ATRNL1: variants seen among roughly 807,000 people sequenced by gnomAD.
ATRNL1 encodes attractin like 1.
Under a neutral mutation model 182.7 loss-of-function variants are expected in ATRNL1, and 95 were observed. The ratio of observed to expected loss-of-function variants is 0.52; its 90% confidence interval spans 0.44 to 0.62. The LOEUF is 0.62. Ranked by LOEUF, ATRNL1 falls within the 20% of genes least tolerant of loss-of-function variation. The pLI is 0.00. For synonymous variants in ATRNL1, 576 were observed against 568.3 expected, an observed-to-expected ratio of 1.01 and a Z score of -0.19; for missense variants, 1,471 against 1,679.5, an observed-to-expected ratio of 0.88 and a Z score of 2.17.
chr10:115,588,630 G>A (rs2804194), intron 26 of ATRNL1, among the ~76,000 whole-genome samples: 44,168 of 152,034 alleles, frequency 0.29, 7,623 homozygotes, highest in East Asian at 0.68. Context: ...GGAGTTTGGG[G>A]TTCCTTCCCA....
intron 26 of ATRNL1, among the ~76,000 whole-genome samples, chr10:115,632,245 A>G (rs770049811): frequency 6.6e-6 from 1 of 152,220 alleles, no homozygotes; most frequent in Non-Finnish European, 1.5e-5. Flanking sequence ...GATGTGAAGT[A>G]ATAAATAATG....
At chr10:115,650,666 T>C (rs1220945750) in intron 26 of ATRNL1, among the ~76,000 whole-genome samples, 1 of 152,096 alleles carries the variant, frequency 6.6e-6, no homozygotes, top group Admixed American at 6.6e-5. Flanking sequence ...TGTCTTCTTT[T>C]TTTAAATTTC....
At chr10:115,922,055 A>G (rs1953081804) in intron 28 of ATRNL1, among the ~76,000 whole-genome samples, 1 of 152,168 alleles carries the variant, frequency 6.6e-6, no homozygotes, top group Non-Finnish European at 1.5e-5. Flanking sequence ...CTCGTCACCC[A>G]GGGCTGTAGG....
chr10:115,775,764 G>C (rs1012298755), intron 27 of ATRNL1, among the ~76,000 whole-genome samples: 11 of 148,348 alleles, frequency 7.4e-5, no homozygotes, highest in Admixed American at 2.7e-4. Context: ...AGACCAGCCT[G>C]GCCAACATGG....
chr10:115,716,762 G>A (rs1329986398), intron 26 of ATRNL1, among the ~76,000 whole-genome samples: 4 of 152,020 alleles, frequency 2.6e-5, no homozygotes, highest in African/African-American at 9.7e-5. Flanking sequence ...ATTTCCACTC[G>A]TCAAGGTTGA....
At chr10:115,337,210 T>G (rs926754118) in intron 19 of ATRNL1, among the ~76,000 whole-genome samples, 4 of 152,064 alleles carry the variant, frequency 2.6e-5, no homozygotes, top group African/African-American at 4.8e-5. Flanking sequence ...ATTTTGTGGG[T>G]ACATAGTAGG....
intron 25 of ATRNL1, among the ~76,000 whole-genome samples, chr10:115,529,686 C>T (rs1317095113): frequency 6.6e-6 from 1 of 152,006 alleles, no homozygotes; most frequent in Non-Finnish European, 1.5e-5. Context: ...TAAAAAACTT[C>T]AAAACTTTTA....
At chr10:115,637,391 T>A (rs1414492403) in intron 26 of ATRNL1, among the ~76,000 whole-genome samples, 1 of 152,052 alleles carries the variant, frequency 6.6e-6, no homozygotes, top group Non-Finnish European at 1.5e-5. Flanking sequence ...CTGTCTTAGT[T>A]TTTTTAAAAA....
At chr10:115,505,779 A>C (rs192445261) in intron 24 of ATRNL1, among the ~76,000 whole-genome samples, 56 of 152,206 alleles carry the variant, frequency 3.7e-4, no homozygotes, top group African/African-American at 1.3e-3. Flanking sequence ...ACATACACAC[A>C]CACACGTCTT....
rs549489139 is a variant in ATRNL1 at position 115,653,014 on chromosome 10, G to T, written c.3796-74234G>T. Among the ~76,000 whole-genome samples, 3 of 152,042 alleles carry T rather than the reference G, an allele frequency of 2.0e-5. No homozygotes were observed. In the East Asian group the frequency reaches 5.8e-4, roughly 29 times the overall value. On this transcript the variant is annotated intron_variant, in intron 26 of 28. Coordinates refer to ENST00000355044, the MANE Select transcript of ATRNL1 (RefSeq NM_207303.4). ...TATTTTTAAATAATAGTTTTTATTT[G>T]TCATTGCGTAAAATAATTACAACTC...
chr10:115,395,858 T>C (rs968126128), intron 20 of ATRNL1, among the ~76,000 whole-genome samples: 1 of 151,796 alleles, frequency 6.6e-6, no homozygotes, highest in Non-Finnish European at 1.5e-5. Flanking sequence ...AATCAAATTT[T>C]TATGGTTTTG....
At chr10:115,367,887 C>G (rs1230033257) in intron 19 of ATRNL1, among the ~76,000 whole-genome samples, 1 of 148,720 alleles carries the variant, frequency 6.7e-6, no homozygotes, top group South Asian at 2.2e-4. Context: ...TCTCAGATCT[C>G]CAGCTGCGTG....
At chr10:115,846,293 A>G (rs181244201) in intron 27 of ATRNL1, among the ~76,000 whole-genome samples, 255 of 152,172 alleles carry the variant, frequency 1.7e-3, no homozygotes, top group African/African-American at 6.0e-3. Context: ...TGTTGCTATA[A>G]AGGAGAAATC....
chr10:115,549,227 A>T (rs1484071318), intron 25 of ATRNL1, among the ~76,000 whole-genome samples: 1 of 152,064 alleles, frequency 6.6e-6, no homozygotes, highest in East Asian at 1.9e-4. Context: ...GACAGAGAAA[A>T]TTCTAAATAT....
intron 26 of ATRNL1, among the ~76,000 whole-genome samples, chr10:115,702,080 G>T (rs1946755525): frequency 6.6e-6 from 1 of 151,946 alleles, no homozygotes; most frequent in South Asian, 2.1e-4. Flanking sequence ...CCATGATTGA[G>T]TAGCTACATT....
chr10:115,803,545 G>A (rs1949847426), intron 27 of ATRNL1, among the ~76,000 whole-genome samples: 1 of 151,554 alleles, frequency 6.6e-6, no homozygotes, highest in African/African-American at 2.4e-5. Context: ...TTAGAGATAT[G>A]GAGGAAACTT....
intron 28 of ATRNL1, among the ~76,000 whole-genome samples, chr10:115,862,175 T>C (rs1396964196): frequency 6.6e-6 from 1 of 152,206 alleles, no homozygotes; most frequent in Non-Finnish European, 1.5e-5. Context: ...GACTGAAATT[T>C]TTCAAGCACT....
intron 15 of ATRNL1, among the ~76,000 whole-genome samples, chr10:115,292,472 G>A (rs1852966712): frequency 6.7e-6 from 1 of 150,080 alleles, no homozygotes; most frequent in Admixed American, 6.6e-5. Flanking sequence ...AAATCATTCT[G>A]TTTGTTTTTT....
At chr10:115,426,895 T>G (rs1845927280) in intron 21 of ATRNL1, among the ~76,000 whole-genome samples, 1 of 152,168 alleles carries the variant, frequency 6.6e-6, no homozygotes, top group South Asian at 2.1e-4. Flanking sequence ...CAGCTAATTT[T>G]TGTATTTTTT....
Sources: allele counts gnomAD v4.1 joint callset (sites outside exome capture counted in the v4.1 genomes callset), GRCh38; gene constraint gnomAD v4.1.1; transcripts MANE v1.5; gene names NCBI Gene and HGNC (gene_info 2026-07-23, HGNC 2026-07-21).